ADRA1B: variants seen among roughly 807,000 people sequenced by gnomAD.
ADRA1B encodes alpha-1B adrenergic receptor.
Under a neutral mutation model 17.9 loss-of-function variants are expected in ADRA1B, and 17 were observed. The observed-to-expected ratio is 0.95, with a 90% CI of 0.65 to 1.42. The LOEUF (loss-of-function observed/expected upper bound fraction) is 1.42, where lower values mean the gene tolerates loss of function less well. Ranked by LOEUF, ADRA1B falls within the 40% of genes most tolerant of loss-of-function variation. The probability of loss-of-function intolerance (pLI) is 0.00; values close to 1 mark genes in which losing one functional copy is unlikely to be tolerated. For synonymous variants in ADRA1B, 366 were observed against 327.6 expected (o/e 1.12, Z -1.27); for missense variants, 681 against 722.1 (o/e 0.94, Z 0.65).
At chr5:159,921,141 T>G (rs1025463781) in intron 1 of ADRA1B, among the ~76,000 whole-genome samples, 2 of 152,240 alleles carry the variant, frequency 1.3e-5, no homozygotes, top group Non-Finnish European at 2.9e-5. Context: ...AGGGTTGGGC[T>G]GCCTGCAGAG....
the ADRA1B span, among the ~76,000 whole-genome samples, chr5:159,982,409 A>G: frequency 6.6e-6 from 1 of 152,180 alleles, no homozygotes; most frequent in Non-Finnish European, 1.5e-5. Context: ...CAATTTAGGT[A>G]GGCAACTTTG....
At chr5:159,929,445 T>G (rs1446559123) in intron 1 of ADRA1B, among the ~76,000 whole-genome samples, 2 of 151,112 alleles carry the variant, frequency 1.3e-5, no homozygotes, top group Non-Finnish European at 2.9e-5. Context: ...TTTTTTTTGG[T>G]TTTTGTATTT....
At chr5:159,897,215 T>C (rs1022067070) in intron 1 of ADRA1B, among the ~76,000 whole-genome samples, 1 of 152,122 alleles carries the variant, frequency 6.6e-6, no homozygotes, top group Non-Finnish European at 1.5e-5. Flanking sequence ...CAGTCAGGCG[T>C]GGTGGCTCAC....
intron 1 of ADRA1B, among the ~76,000 whole-genome samples, chr5:159,938,900 A>G (rs1012279968): frequency 4.6e-5 from 7 of 152,186 alleles, no homozygotes; most frequent in African/African-American, 1.7e-4. Flanking sequence ...GACTCTATCT[A>G]AATTTGGGGG....
rs748796552 is a variant in ADRA1B, at chr5:159,917,478, T to G, written c.573T>G (p.Asp191Glu). ...LLGWKEPAPN[D>E]DKECGVTEEP... ...GGTGGAAGGAGCCGGCACCCAACGA[T>G]GACAAGGAGTGCGGGGTCACCGAAG... The change falls in exon 1 of 2, where the codon GAT becomes GAG. Residue 191 changes from aspartate (D) to glutamate (E), a missense_variant. Around this residue, in one of 3 missense-constraint regions of ADRA1B, gnomAD observed 424 missense variants for 480.2 expected, o/e 0.88. Transcript: ENST00000306675. 1 of 1,614,106 alleles carries G rather than the reference T, an allele frequency of 6.2e-7. No individual in the cohort carries two copies. The highest frequency in any genetic ancestry group is 8.5e-7 in the Non-Finnish European group (1 of 1,180,002).
chr5:159,930,290 C>A (rs1044125383), intron 1 of ADRA1B, among the ~76,000 whole-genome samples: 1 of 152,268 alleles, frequency 6.6e-6, no homozygotes, highest in East Asian at 1.9e-4. Context: ...CCTGATTATG[C>A]GTAATAAGAA....
At chr5:159,896,254 T>C (rs1324214440) in intron 1 of ADRA1B, among the ~76,000 whole-genome samples, 1 of 152,164 alleles carries the variant, frequency 6.6e-6, no homozygotes, top group African/African-American at 2.4e-5. Context: ...CTCCTTCTGT[T>C]AAAAATAAAT....
intron 1 of ADRA1B, chr5:159,869,903 C>T (rs1753713203): frequency 6.6e-6 from 1 of 152,146 alleles, no homozygotes; most frequent in Non-Finnish European, 1.5e-5. Context: ...ACATTAGTAG[C>T]AGTAATATGT....
At chr5:159,962,779 T>C (rs1413365312) in intron 1 of ADRA1B, among the ~76,000 whole-genome samples, 3 of 136,846 alleles carry the variant, frequency 2.2e-5, no homozygotes, top group Non-Finnish European at 4.6e-5. Flanking sequence ...CAAGCAATCC[T>C]CCCACCTCAG....
At chr5:159,924,409 A>C (rs949162817) in intron 1 of ADRA1B, among the ~76,000 whole-genome samples, 11 of 152,190 alleles carry the variant, frequency 7.2e-5, no homozygotes, top group Admixed American at 6.5e-4. Context: ...GGAATCACAG[A>C]AGACACCATG....
intron 1 of ADRA1B, among the ~76,000 whole-genome samples, chr5:159,931,036 A>G: frequency 6.8e-6 from 1 of 147,200 alleles, no homozygotes; most frequent in South Asian, 2.1e-4. Context: ...TAATATATAT[A>G]TTATATATAT....
chr5:159,911,873 A>G (rs1421751556), upstream of ADRA1B, among the ~76,000 whole-genome samples: 1 of 152,072 alleles, frequency 6.6e-6, no homozygotes, highest in African/African-American at 2.4e-5. Flanking sequence ...TCACTCCTCC[A>G]ATTCCTTTTT....
intron 1 of ADRA1B, among the ~76,000 whole-genome samples, chr5:159,918,382 C>T (rs1014262970): frequency 9.2e-5 from 14 of 152,326 alleles, no homozygotes; most frequent in African/African-American, 3.4e-4. Context: ...TCTCCCTCCC[C>T]TCTTCACTGA....
At chr5:159,885,111 G>A (rs1304995468) in intron 1 of ADRA1B, among the ~76,000 whole-genome samples, 1 of 152,182 alleles carries the variant, frequency 6.6e-6, no homozygotes, top group East Asian at 1.9e-4. Flanking sequence ...AGCCCACACT[G>A]AGAATGCTGA....
chr5:159,874,155 G>A (rs1252523915), intron 1 of ADRA1B, among the ~76,000 whole-genome samples: 1 of 152,054 alleles, frequency 6.6e-6, no homozygotes, highest in Admixed American at 6.5e-5. Flanking sequence ...CAGGATGCTT[G>A]GAGAAGTGCT....
At chr5:159,878,091 A>G (rs1304249956) in intron 1 of ADRA1B, among the ~76,000 whole-genome samples, 1 of 152,210 alleles carries the variant, frequency 6.6e-6, no homozygotes, top group East Asian at 1.9e-4. Context: ...ACGAGGCCCA[A>G]GAATCAGAGG....
intron 1 of ADRA1B, among the ~76,000 whole-genome samples, chr5:159,941,276 A>G (rs1410128739): frequency 1.3e-5 from 2 of 152,222 alleles, no homozygotes; most frequent in Non-Finnish European, 2.9e-5. Flanking sequence ...ACAGATTTAG[A>G]ACGTTTTCAT....
chr5:159,866,328 A>G (rs1045463220), intron 1 of ADRA1B, among the ~76,000 whole-genome samples: 1 of 150,678 alleles, frequency 6.6e-6, no homozygotes, highest in African/African-American at 2.4e-5. Flanking sequence ...CACCGGGCAC[A>G]GTGGCTCACA....
At chr5:159,915,190 A>T (rs1018895462), upstream of ADRA1B, among the ~76,000 whole-genome samples, 4 of 152,182 alleles carry the variant, frequency 2.6e-5, no homozygotes, top group African/African-American at 4.8e-5. Flanking sequence ...AGTATGACAC[A>T]GTAGCTGAGT....
Sources: gnomAD v4.1 joint callset for allele counts (sites outside exome capture counted in the v4.1 genomes callset) on GRCh38, gnomAD v4.1.1 for gene constraint, gnomAD v4.1.1 regional missense constraint, MANE v1.5 for transcripts, NCBI Gene and HGNC (gene_info 2026-07-23, HGNC 2026-07-21) for gene names.